Variants in KDF1 observed in about 807,000 individuals in gnomAD.
KDF1 encodes keratinocyte differentiation factor 1.
In KDF1, 11 loss-of-function variants were observed where a neutral mutation model predicts 31.6. That is an observed-to-expected ratio of 0.35 (90% CI 0.22 to 0.58). The LOEUF (loss-of-function observed/expected upper bound fraction) is 0.58, where lower values mean the gene tolerates loss of function less well. Ranked by LOEUF, KDF1 falls within the 20% of genes least tolerant of loss-of-function variation. The pLI is 0.83. For synonymous variants in KDF1, 205 were observed against 214.4 expected, an observed-to-expected ratio of 0.96 and a Z score of 0.38; for missense variants, 476 against 549.1, an observed-to-expected ratio of 0.87 and a Z score of 1.33.
At chr1:26,954,293 G>A (rs986381740) in intron 1 of KDF1, among the ~76,000 whole-genome samples, 1 of 149,168 alleles carries the variant, frequency 6.7e-6, no homozygotes, top group Admixed American at 6.8e-5. Context: ...GTACCATCTC[G>A]GCTCACTACA....
At position 26,951,373 on chromosome 1, in the gene KDF1, C is replaced by T. The variant is rs375717046; in HGVS notation, c.1008G>A (p.Glu336=). The T allele has an allele frequency of 1.5e-5, 24 of 1,598,130 alleles. No individual in the cohort carries two copies. Among genetic ancestry groups the T allele is most frequent in the African/African-American group, 2.7e-5 (2 of 74,624 alleles). ...GGCTGAGACCTGAGCCCACCATGGTCTCATGGCCACTGTCAGGGGCAGCAG... is the reference window on the plus strand; with the variant it reads ...GGCTGAGACCTGAGCCCACCATGGTTTCATGGCCACTGTCAGGGGCAGCAG... ...PTAAAPDSGH[E]TMVGSGLSQD... Residue 336 remains glutamate, a synonymous_variant, in exon 2 of 4, where the codon GAG becomes GAA. Coordinates refer to ENST00000320567, the MANE Select transcript of KDF1 (RefSeq NM_152365.3). This position sits in a 1 kb window ranked among gnomAD's most constrained non-coding sequence, Gnocchi z 5.4.
chr1:26,951,701 G>T lies in KDF1; in HGVS notation c.680C>A (p.Pro227Gln). Residue 227 changes from proline to glutamine, a missense_variant, in exon 2 of 4, where the codon CCG (proline) becomes CAG (glutamine). Around this residue, in one of 2 missense-constraint regions of KDF1, gnomAD observed 330 missense variants for 332.3 expected, o/e 0.99. Transcript: ENST00000320567. The surrounding 1 kb of genome is among the most constrained non-coding windows in gnomAD (Gnocchi z 5.4). The part of the protein sequence containing the change: ...YSFHESDLDL[P>Q]EMGSGSMSSR... ...CGACATGGAGCCACTGCCCATCTCC[G>T]GCAGGTCCAGGTCCGACTCATGGAA... 6.2e-7 allele frequency: 1 copy of T among 1,613,790 alleles called. No individual in the cohort carries two copies. The highest frequency in any genetic ancestry group is 8.5e-7 in the Non-Finnish European group (1 of 1,180,010).
At chr1:26,953,727 G>A (rs1427952431) in intron 1 of KDF1, among the ~76,000 whole-genome samples, 2 of 152,152 alleles carry the variant, frequency 1.3e-5, no homozygotes, top group African/African-American at 4.8e-5. Flanking sequence ...GGCTGGGATG[G>A]GTGGATCACT....
Position 26,951,647 on chromosome 1 carries a change from T to C in KDF1, c.734A>G (p.Lys245Arg), listed in dbSNP as rs2082349357. Residue 245 changes from lysine (K) to arginine (R), a missense_variant, in exon 2 of 4, where the codon AAG becomes AGG. Around this residue, in one of 2 missense-constraint regions of KDF1, gnomAD observed 146 missense variants for 216.8 expected, o/e 0.67. Coordinates refer to ENST00000320567, the MANE Select transcript of KDF1 (RefSeq NM_152365.3). The surrounding 1 kb of genome is among the most constrained non-coding windows in gnomAD (Gnocchi z 5.4). ...SSREIDVLIF[K>R]KLTELFSVHQ... is the part of the protein sequence containing the mutation. ...TACGCTGAACAGCTCTGTCAGCTTCTTGAAGATGAGCACATCAATTTCTCG... is the reference window on the plus strand; with the variant it reads ...TACGCTGAACAGCTCTGTCAGCTTCCTGAAGATGAGCACATCAATTTCTCG... The C allele has an allele frequency of 6.2e-7, 1 of 1,613,954 alleles. No individual in the cohort carries two copies. Among genetic ancestry groups the C allele is most frequent in the Non-Finnish European group, 8.5e-7 (1 of 1,180,028 alleles).
In KDF1 at chr1:26,951,338, C is replaced by T. The variant is rs1324656709; in HGVS notation, c.1039+4G>A. 6.4e-7 allele frequency: 1 copy of T among 1,553,272 alleles called. No homozygotes were observed. Among genetic ancestry groups the T allele is most frequent in the Non-Finnish European group, 8.7e-7 (1 of 1,144,626 alleles). On this transcript the variant is annotated splice_donor_region_variant and intron_variant, in intron 2 of 3. Transcript: ENST00000320567. This position sits in a 1 kb window ranked among gnomAD's most constrained non-coding sequence, Gnocchi z 5.4. ...CCCCTCAGCCCCATGGGGCCCCCACCTACCATCCTGGCTGAGACCTGAGCC... is the reference window on the plus strand; with the variant it reads ...CCCCTCAGCCCCATGGGGCCCCCACTTACCATCCTGGCTGAGACCTGAGCC...
At position 26,950,762 on chromosome 1, in the gene KDF1, G is replaced by A. The variant is rs150374655; in HGVS notation, c.1040-6C>T. On this transcript the variant is annotated splice_region_variant and splice_polypyrimidine_tract_variant and intron_variant, in intron 2 of 3. Coordinates refer to ENST00000320567, the MANE Select transcript of KDF1 (RefSeq NM_152365.3). The surrounding 1 kb of genome is among the most constrained non-coding windows in gnomAD (Gnocchi z 4.0). The stretch of plus-strand genomic sequence containing the variant: ...GGAGATCTGCACTGTCAGCTCTAGG[G>A]AGGGAACGTGAGGCAAGCAGTGGTC... The A allele has an allele frequency of 3.7e-3, 5,898 of 1,613,346 alleles. 11 individuals are homozygous for A. The highest frequency in any genetic ancestry group is 4.6e-3 in the Non-Finnish European group (5,462 of 1,179,284).
Position 26,951,246 on chromosome 1 carries a change from G to T in KDF1, c.1039+96C>A. 8.0e-7 allele frequency: 1 copy of T among 1,245,268 alleles called. No homozygotes were observed. The highest frequency in any genetic ancestry group is 1.1e-6 in the Non-Finnish European group (1 of 922,184). 77.1% of individuals were successfully genotyped at this position (1,245,268 alleles called of 1,614,324 possible). On this transcript the variant is annotated intron_variant, in intron 2 of 3. Coordinates refer to ENST00000320567, the MANE Select transcript of KDF1 (RefSeq NM_152365.3). The surrounding 1 kb of genome is among the most constrained non-coding windows in gnomAD (Gnocchi z 5.4). ...AGGAGGAAAGGCAGGGACTGGCTGA[G>T]GGGTAGACCCACAGTGACTAAAGAC...
chr1:26,955,706 C>T (rs2082374469), intron 1 of KDF1, among the ~76,000 whole-genome samples: 1 of 152,202 alleles, frequency 6.6e-6, no homozygotes, highest in African/African-American at 2.4e-5. Flanking sequence ...CCGGTAATCC[C>T]AGCACTTTGG....
At chr1:26,956,872 A>G (rs1463071746) in intron 1 of KDF1, among the ~76,000 whole-genome samples, 3 of 152,184 alleles carry the variant, frequency 2.0e-5, no homozygotes, top group Non-Finnish European at 2.9e-5. Flanking sequence ...GAGAAAGGGA[A>G]AGAGGGAATG....
Position 26,951,579 on chromosome 1 carries a change from A to T in KDF1, c.802T>A (p.Phe268Ile). Reference protein sequence around the residue: ...ELAKCTSDTVFLEKTSKISDL... With the variant: ...ELAKCTSDTVILEKTSKISDL... ...GAGATCTTACTGGTCTTCTCCAGGA[A>T]CACAGTGTCTGATGTGCACTTGGCC... The change falls in exon 2 of 4, where the codon TTC becomes ATC. Residue 268 changes from phenylalanine to isoleucine, a missense_variant. Coordinates refer to ENST00000320567, the MANE Select transcript of KDF1 (RefSeq NM_152365.3). This position sits in a 1 kb window ranked among gnomAD's most constrained non-coding sequence, Gnocchi z 5.4. 6.2e-7 allele frequency: 1 copy of T among 1,613,140 alleles called. No individual in the cohort carries two copies. The highest frequency in any genetic ancestry group is 8.5e-7 in the Non-Finnish European group (1 of 1,179,262).
At chr1:26,957,762 C>T (rs143405568) in intron 1 of KDF1, among the ~76,000 whole-genome samples, 271 of 152,196 alleles carry the variant, frequency 1.8e-3, no homozygotes, top group African/African-American at 5.7e-3. Flanking sequence ...CACACATTCA[C>T]GCAATTAACA....
chr1:26,951,320 G>T lies in KDF1; in HGVS notation c.1039+22C>A. The stretch of plus-strand genomic sequence containing the variant: ...AGAGCCTCCCCTACTCTGCCCCTCA[G>T]CCCCATGGGGCCCCCACCTACCATC... On this transcript the variant is annotated intron_variant, in intron 2 of 3. Transcript: ENST00000320567. This position sits in a 1 kb window ranked among gnomAD's most constrained non-coding sequence, Gnocchi z 5.4. 1 of 1,522,284 alleles carries T rather than the reference G, an allele frequency of 6.6e-7. No homozygotes were observed. 94.3% of individuals were successfully genotyped at this position (1,522,284 alleles called of 1,614,324 possible).
Position 26,951,088 on chromosome 1 carries a change from C to T in KDF1, c.1039+254G>A, listed in dbSNP as rs562481528. Among the ~76,000 whole-genome samples the T allele has an allele frequency of 7.0e-4, 107 of 152,260 alleles. No homozygotes were observed. The highest frequency in any genetic ancestry group is 2.5e-3 in the African/African-American group (105 of 41,544). On this transcript the variant is annotated intron_variant, in intron 2 of 3. Transcript: ENST00000320567. The surrounding 1 kb of genome is among the most constrained non-coding windows in gnomAD (Gnocchi z 5.4). ...TTGTTGAATGCAGAGGGAACCTTGA[C>T]CTTTCTGGGGACAGCAGCGATGGCC...
chr1:26,955,738 C>T (rs536368246), intron 1 of KDF1, among the ~76,000 whole-genome samples: 33 of 152,226 alleles, frequency 2.2e-4, no homozygotes, highest in African/African-American at 6.7e-4. Context: ...GGGTGGATCA[C>T]GAGGTCAGGA....
At chr1:26,958,695 A>G (rs1191624689) in intron 1 of KDF1, among the ~76,000 whole-genome samples, 2 of 152,124 alleles carry the variant, frequency 1.3e-5, no homozygotes, top group Admixed American at 6.6e-5. Flanking sequence ...CTTATCCACT[A>G]CCCCATCCCA....
intron 1 of KDF1, among the ~76,000 whole-genome samples, chr1:26,953,113 A>C (rs1454242163): frequency 6.6e-6 from 1 of 152,204 alleles, no homozygotes; most frequent in Non-Finnish European, 1.5e-5. Flanking sequence ...AGCATTCCTC[A>C]TCCAAAAATC....
In KDF1 at chr1:26,951,394, A is replaced by G; in HGVS notation, c.987T>C (p.Ala329=). The G allele has an allele frequency of 6.2e-7, 1 of 1,608,266 alleles. No individual in the cohort carries two copies. The highest frequency in any genetic ancestry group is 1.3e-5 in the African/African-American group (1 of 74,932). Residue 329 remains alanine, a synonymous_variant, in exon 2 of 4, where the codon GCT becomes GCC. Coordinates refer to ENST00000320567, the MANE Select transcript of KDF1 (RefSeq NM_152365.3). This position sits in a 1 kb window ranked among gnomAD's most constrained non-coding sequence, Gnocchi z 5.4. The stretch of plus-strand genomic sequence containing the variant: ...TGGTCTCATGGCCACTGTCAGGGGC[A>G]GCAGCGGTTGGGGCAGCAGCCCGAG... ...RSTRAAAPTA[A]APDSGHETMV...
chr1:26,956,853 G>C (rs2082379345), intron 1 of KDF1, among the ~76,000 whole-genome samples: 1 of 152,198 alleles, frequency 6.6e-6, no homozygotes, highest in Admixed American at 6.5e-5. Flanking sequence ...CAAAAGTTAT[G>C]TGTGTGTAGA....
At position 26,949,997 on chromosome 1, in the gene KDF1, T is replaced by A; in HGVS notation, c.*72A>T. On this transcript the variant is annotated 3_prime_UTR_variant, in exon 4 of 4. Transcript: ENST00000320567. ...AGGTCTAAGCCTCTCCCACAGGGGT[T>A]CCTGGTCCCCCTCTTCATTCTGTAG... 6.8e-7 allele frequency: 1 copy of A among 1,476,204 alleles called. No homozygotes were observed. Among genetic ancestry groups the A allele is most frequent in the Non-Finnish European group, 9.4e-7 (1 of 1,060,298 alleles). The allele number at this position is 1,476,204 out of a possible 1,614,324, so 91.4% of individuals were successfully genotyped here. A position where few individuals can be genotyped will look rare whatever the true frequency, so the allele number is the denominator to read the frequency against.
Sources: allele counts gnomAD v4.1 joint callset (sites outside exome capture counted in the v4.1 genomes callset), GRCh38; gene constraint gnomAD v4.1.1; regional missense constraint gnomAD v4.1.1; non-coding constraint Gnocchi (gnomAD v3.1); transcripts MANE v1.5; gene names NCBI Gene and HGNC (gene_info 2026-07-23, HGNC 2026-07-21).